PRKCB: variants seen among roughly 807,000 people sequenced by gnomAD.
PRKCB encodes protein kinase C beta.
A neutral mutation model predicts 81.5 loss-of-function variants in PRKCB; 13 were observed. That is an observed-to-expected ratio of 0.16 (90% CI 0.10 to 0.25). PRKCB has a LOEUF of 0.25. Ranked by LOEUF, PRKCB falls within the 10% of genes least tolerant of loss-of-function variation. PRKCB has a pLI of 1.00. For synonymous variants in PRKCB, 335 were observed against 321.4 expected (o/e 1.04, Z -0.45); for missense variants, 509 against 875.7 (o/e 0.58, Z 5.29).
At chr16:24,057,378 A>G (rs998123506) in intron 5 of PRKCB, among the ~76,000 whole-genome samples, 4 of 152,194 alleles carry the variant, frequency 2.6e-5, no homozygotes, top group African/African-American at 9.6e-5. Flanking sequence ...TGAATTAAAA[A>G]TGCAGATGTG....
At chr16:23,984,352 T>C (rs1337854885) in intron 2 of PRKCB, among the ~76,000 whole-genome samples, 2 of 152,194 alleles carry the variant, frequency 1.3e-5, no homozygotes, top group East Asian at 3.8e-4. Flanking sequence ...GATGAGGTAG[T>C]GTACCTAGTC....
chr16:24,021,235 C>CTTTCTTTCTTTCTTTCT (rs1567347182), intron 3 of PRKCB, among the ~76,000 whole-genome samples: 2 of 15,026 alleles, frequency 1.3e-4, no homozygotes, highest in Admixed American at 1.2e-3. Context: ...TCTTTCTTTC[C>CTTTCTTTCTTTCTTTCT]TTCCTTCCTT....
intron 2 of PRKCB, among the ~76,000 whole-genome samples, chr16:23,941,056 T>C (rs1373755031): frequency 6.6e-6 from 1 of 152,214 alleles, no homozygotes; most frequent in Non-Finnish European, 1.5e-5. Flanking sequence ...CCATAAAAGA[T>C]AGACTGCCTA....
intron 2 of PRKCB, among the ~76,000 whole-genome samples, chr16:23,859,070 T>A (rs1345894090): frequency 2.0e-5 from 3 of 152,186 alleles, no homozygotes; most frequent in African/African-American, 7.2e-5. Context: ...GGGTTGAGGC[T>A]GTAGTGAGCT....
At chr16:23,990,094 A>G (rs777247943) in intron 3 of PRKCB, among the ~76,000 whole-genome samples, 15 of 152,188 alleles carry the variant, frequency 9.9e-5, no homozygotes, top group Admixed American at 1.3e-4. Context: ...CCGTGGGTCC[A>G]TGATGATGCT....
Position 24,021,115 on chromosome 16 carries a change from C to CTTTCTTTTTT in PRKCB, c.289-11020_289-11019insTTCTTTTTTT, listed in dbSNP as rs1375631928. 1.2e-4 allele frequency among the ~76,000 whole-genome samples: 11 copies of CTTTCTTTTTT among 93,940 alleles called. No individual in the cohort carries two copies. In the South Asian group the frequency reaches 2.9e-3, roughly 25 times the overall value. 61.6% of individuals were successfully genotyped at this position (93,940 alleles called of 152,430 possible). A position where few individuals can be genotyped will look rare whatever the true frequency, so the allele number is the denominator to read the frequency against. ...TTTTTCTTTCTTTCTTTCCTTCTCT[C>CTTTCTTTTTT]TCTTTCTTTCTTTCCTTCCTTCCTT... is the stretch of plus-strand genomic sequence containing the variant. On this transcript the variant is annotated intron_variant, in intron 3 of 16. Coordinates refer to ENST00000643927, the MANE Select transcript of PRKCB (RefSeq NM_002738.7).
At chr16:24,057,616 G>T (rs1338425346) in intron 5 of PRKCB, among the ~76,000 whole-genome samples, 1 of 152,186 alleles carries the variant, frequency 6.6e-6, no homozygotes, top group African/African-American at 2.4e-5. Flanking sequence ...TAAAAGGGGG[G>T]ATTGGTGAAG....
rs1194795758 is a variant in PRKCB at position 23,882,016 on chromosome 16, T to TTC, written c.205+44612_205+44613dup. Reference sequence around the variant, plus strand: ...TTTCTTTCTTTCTTTCTTTCTTTCTTTCTTTCTTCCTTCCTTCCTTCCTTC... The same window carrying TTC: ...TTTCTTTCTTTCTTTCTTTCTTTCTTTCTCTTTCTTCCTTCCTTCCTTCCTTC... On this transcript the variant is annotated intron_variant, in intron 2 of 16. Coordinates refer to ENST00000643927, the MANE Select transcript of PRKCB (RefSeq NM_002738.7). Among the ~76,000 whole-genome samples the TTC allele has an allele frequency of 2.4e-3, 223 of 93,778 alleles. 9 individuals are homozygous for TTC. The highest frequency in any genetic ancestry group is 0.014 in the Middle Eastern group (3 of 216). 61.5% of individuals were successfully genotyped at this position (93,778 alleles called of 152,430 possible).
intron 2 of PRKCB, among the ~76,000 whole-genome samples, chr16:23,961,929 G>T (rs1964431039): frequency 6.6e-6 from 1 of 152,152 alleles, no homozygotes; most frequent in Admixed American, 6.5e-5. Flanking sequence ...TAAGGTTAGA[G>T]TTGAGCCCTA....
intron 10 of PRKCB, among the ~76,000 whole-genome samples, chr16:24,166,886 C>T (rs16973330): frequency 0.031 from 4,698 of 152,106 alleles, 253 homozygotes; most frequent in African/African-American, 0.11. Flanking sequence ...ATATGGTTAG[C>T]GGTAGAAACA....
Position 24,194,125 on chromosome 16 carries a change from G to A in PRKCB, c.1863+2895G>A, listed in dbSNP as rs778073247. Among the ~76,000 whole-genome samples, 9 of 152,104 alleles carry A rather than the reference G, an allele frequency of 5.9e-5. No individual in the cohort carries two copies. The South Asian group carries it at 1.2e-3, about 21-fold the overall frequency. On this transcript the variant is annotated intron_variant, in intron 16 of 16. Coordinates refer to ENST00000643927, the MANE Select transcript of PRKCB (RefSeq NM_002738.7). The stretch of plus-strand genomic sequence containing the variant: ...GCAGATCACCTGAGGTCAGGAGTTC[G>A]AGACCAGCCTGGCCAACATAGTGAA...
chr16:24,082,345 G>A (rs1966260512), intron 5 of PRKCB, among the ~76,000 whole-genome samples: 1 of 152,312 alleles, frequency 6.6e-6, no homozygotes, highest in South Asian at 2.1e-4. Flanking sequence ...TTTTTTGTAT[G>A]TTTGGACACA....
At chr16:24,033,050 C>T (rs529763562) in intron 4 of PRKCB, among the ~76,000 whole-genome samples, 4 of 152,302 alleles carry the variant, frequency 2.6e-5, no homozygotes, top group African/African-American at 9.6e-5. Flanking sequence ...GGGTAGGACT[C>T]CTCTTTATGA....
intron 7 of PRKCB, among the ~76,000 whole-genome samples, chr16:24,108,931 G>A (rs1206888093): frequency 2.6e-5 from 4 of 151,324 alleles, no homozygotes; most frequent in East Asian, 2.0e-4. Context: ...AGGGGCGGCC[G>A]GGCAGAGGCG....
At chr16:23,849,621 T>C (rs1203554502) in intron 2 of PRKCB, among the ~76,000 whole-genome samples, 2 of 152,188 alleles carry the variant, frequency 1.3e-5, no homozygotes, top group Admixed American at 6.5e-5. Context: ...GGAAACAGGA[T>C]TGACATATAG....
intron 5 of PRKCB, among the ~76,000 whole-genome samples, chr16:24,072,825 ACCCGCC>A (rs755863509): frequency 6.2e-4 from 94 of 151,348 alleles, no homozygotes; most frequent in Non-Finnish European, 7.5e-4. Flanking sequence ...GAGGTGATCC[ACCCGCC>A]TCAGCCTCCC....
At chr16:24,134,685 G>A (rs1966859229) in intron 9 of PRKCB, among the ~76,000 whole-genome samples, 1 of 151,978 alleles carries the variant, frequency 6.6e-6, no homozygotes, top group Non-Finnish European at 1.5e-5. Context: ...GGAGTCAGAG[G>A]TTGCAGTGAG....
intron 5 of PRKCB, among the ~76,000 whole-genome samples, chr16:24,079,144 C>A (rs773724140): frequency 6.6e-6 from 1 of 152,212 alleles, no homozygotes; most frequent in Non-Finnish European, 1.5e-5. Context: ...TATTCTCCCC[C>A]GCCCTTAAGA....
chr16:24,178,516 G>A (rs1038591562), intron 12 of PRKCB, among the ~76,000 whole-genome samples: 14 of 152,312 alleles, frequency 9.2e-5, no homozygotes, highest in African/African-American at 2.6e-4. Flanking sequence ...GCATGTGGTC[G>A]AGCTGAAGGG....
Sources: allele counts gnomAD v4.1 joint callset (sites outside exome capture counted in the v4.1 genomes callset), GRCh38; gene constraint gnomAD v4.1.1; transcripts MANE v1.5; gene names NCBI Gene and HGNC (gene_info 2026-07-23, HGNC 2026-07-21).